OPCML: variants seen among roughly 807,000 people sequenced by gnomAD.
OPCML encodes opioid binding protein/cell adhesion molecule like.
Under a neutral mutation model 37.8 loss-of-function variants are expected in OPCML, and 13 were observed. That is an observed-to-expected ratio of 0.34 (90% CI 0.22 to 0.55). The LOEUF is 0.55. OPCML is among the 20% of genes least tolerant of loss of function. The pLI is 0.91. For synonymous variants in OPCML, 176 were observed against 168.8 expected (o/e 1.04, Z -0.33); for missense variants, 341 against 435.6 (o/e 0.78, Z 1.93).
At chr11:133,245,577 G>T (rs186379233) in intron 1 of OPCML, among the ~76,000 whole-genome samples, 1 of 152,120 alleles carries the variant, frequency 6.6e-6, no homozygotes, top group Non-Finnish European at 1.5e-5. Flanking sequence ...CCTGAGACTC[G>T]TGTGTCAAAA....
chr11:132,641,159 T>C (rs571084222), intron 3 of OPCML, among the ~76,000 whole-genome samples: 1 of 152,138 alleles, frequency 6.6e-6, no homozygotes, highest in Admixed American at 6.5e-5. Context: ...GCACTAAGGC[T>C]CACCTTACTC....
chr11:133,529,730 G>A (rs1948564934), intron 1 of OPCML, among the ~76,000 whole-genome samples: 1 of 152,144 alleles, frequency 6.6e-6, no homozygotes. Context: ...GAAAGTAAGT[G>A]GCTAACGAGC....
chr11:133,390,148 C>T (rs1395679294), intron 1 of OPCML, among the ~76,000 whole-genome samples: 4 of 152,298 alleles, frequency 2.6e-5, no homozygotes, highest in Admixed American at 2.0e-4. Flanking sequence ...AACATCTGTA[C>T]GTTTACCTAA....
At chr11:133,508,384 C>G (rs1288086131) in intron 1 of OPCML, among the ~76,000 whole-genome samples, 1 of 152,224 alleles carries the variant, frequency 6.6e-6, no homozygotes, top group Non-Finnish European at 1.5e-5. Context: ...CACTGGATGT[C>G]AATGTCTTCT....
At chr11:133,284,804 T>C (rs1207061402) in intron 1 of OPCML, among the ~76,000 whole-genome samples, 1 of 152,102 alleles carries the variant, frequency 6.6e-6, no homozygotes, top group Non-Finnish European at 1.5e-5. Context: ...GTTCATCATA[T>C]GCAAAATAGG....
intron 1 of OPCML, among the ~76,000 whole-genome samples, chr11:133,150,478 G>A (rs1256722529): frequency 1.3e-5 from 2 of 152,198 alleles, no homozygotes; most frequent in Non-Finnish European, 2.9e-5. Context: ...GTAAAAATTA[G>A]AGCTGCAGGA....
At chr11:133,223,794 C>T (rs1399978337) in intron 1 of OPCML, among the ~76,000 whole-genome samples, 3 of 152,168 alleles carry the variant, frequency 2.0e-5, no homozygotes, top group Non-Finnish European at 4.4e-5. Context: ...AGCCTAAAAT[C>T]GAAGCTCTGT....
chr11:132,517,965 G>C (rs2137226827), intron 4 of OPCML, among the ~76,000 whole-genome samples: 1 of 152,210 alleles, frequency 6.6e-6, no homozygotes, highest in East Asian at 1.9e-4. Context: ...GATGTTCTTA[G>C]TTAAATCCAG....
chr11:133,503,410 C>T (rs1947959145), intron 1 of OPCML, among the ~76,000 whole-genome samples: 3 of 152,180 alleles, frequency 2.0e-5, no homozygotes, highest in Admixed American at 2.0e-4. Context: ...TGTGTTGTGG[C>T]CACAGCTCCT....
chr11:133,175,201 G>A (rs1305130983), intron 1 of OPCML, among the ~76,000 whole-genome samples: 2 of 152,120 alleles, frequency 1.3e-5, no homozygotes, highest in Admixed American at 1.3e-4. Flanking sequence ...TATTTCAGAG[G>A]CCCACCATCT....
intron 1 of OPCML, among the ~76,000 whole-genome samples, chr11:133,415,998 T>A (rs1408989674): frequency 6.6e-6 from 1 of 151,876 alleles, no homozygotes; most frequent in Non-Finnish European, 1.5e-5. Flanking sequence ...CCCTAAAACC[T>A]CCGAAAAGAA....
At chr11:133,396,988 T>C (rs975095621) in intron 1 of OPCML, among the ~76,000 whole-genome samples, 2 of 152,190 alleles carry the variant, frequency 1.3e-5, no homozygotes, top group Non-Finnish European at 2.9e-5. Flanking sequence ...AGGCAGAAAA[T>C]GAGTGTGACC....
chr11:133,436,386 G>A (rs907302146), intron 1 of OPCML, among the ~76,000 whole-genome samples: 4 of 152,052 alleles, frequency 2.6e-5, no homozygotes, highest in East Asian at 3.9e-4. Context: ...TTTTGTGATC[G>A]GTCCCCTCAT....
chr11:133,381,832 T>G (rs1944936330), intron 1 of OPCML, among the ~76,000 whole-genome samples: 1 of 152,226 alleles, frequency 6.6e-6, no homozygotes, highest in South Asian at 2.1e-4. Context: ...AGCAGGGCAC[T>G]TTTACCATTT....
chr11:132,607,510 T>C (rs910691007), intron 3 of OPCML, among the ~76,000 whole-genome samples: 1 of 152,190 alleles, frequency 6.6e-6, no homozygotes, highest in Admixed American at 6.5e-5. Flanking sequence ...GGTTCCTGTA[T>C]CCTTGTGTTC....
intron 1 of OPCML, among the ~76,000 whole-genome samples, chr11:133,466,543 G>A (rs1946981398): frequency 6.6e-6 from 1 of 152,124 alleles, no homozygotes; most frequent in African/African-American, 2.4e-5. Flanking sequence ...TCTACAGAAG[G>A]GTAGCAAATA....
intron 3 of OPCML, among the ~76,000 whole-genome samples, chr11:132,569,951 G>GA (rs35386323): frequency 0.064 from 9,080 of 142,568 alleles, 362 homozygotes; most frequent in Non-Finnish European, 0.098. Context: ...TGCATTCAGT[G>GA]AAAAAAAAAA....
chr11:133,342,346 G>A (rs756753182), intron 1 of OPCML, among the ~76,000 whole-genome samples: 8 of 152,178 alleles, frequency 5.3e-5, no homozygotes, highest in South Asian at 2.1e-4. Flanking sequence ...AGGAAACACC[G>A]CGCCCCGCAC....
At chr11:132,591,611 C>A (rs2096484559) in intron 3 of OPCML, among the ~76,000 whole-genome samples, 1 of 152,184 alleles carries the variant, frequency 6.6e-6, no homozygotes, top group Non-Finnish European at 1.5e-5. Flanking sequence ...TCGCCTTGAA[C>A]AAGCGAGTTC....
Sources: allele counts gnomAD v4.1 joint callset (sites outside exome capture counted in the v4.1 genomes callset), GRCh38; gene constraint gnomAD v4.1.1; transcripts MANE v1.5; gene names NCBI Gene and HGNC (gene_info 2026-07-23, HGNC 2026-07-21).